Variants in NSUN7 observed in about 807,000 individuals in gnomAD.
NSUN7 encodes the protein NOP2/Sun RNA methyltransferase family member 7, also known as protein NSUN7.
NSUN7 carries 39 observed loss-of-function variants against 58.5 expected under a neutral mutation model. That is an observed-to-expected ratio of 0.67 (90% CI 0.52 to 0.87). NSUN7 has a LOEUF of 0.87. Ranked by LOEUF, NSUN7 falls within the 40% of genes least tolerant of loss-of-function variation. The pLI, the probability that NSUN7 is intolerant of heterozygous loss-of-function variation, is 0.00. For missense variants in NSUN7, 765 were observed against 844.1 expected (o/e 0.91, Z 1.16); for synonymous variants, 278 against 303.7 (o/e 0.92, Z 0.88).
At chr4:40,800,233 A>G (rs1463608811) in intron 10 of NSUN7, among the ~76,000 whole-genome samples, 1 of 152,084 alleles carries the variant, frequency 6.6e-6, no homozygotes, top group Non-Finnish European at 1.5e-5. Context: ...TCTATTACTG[A>G]GGTTGAGTAT....
chr4:40,787,992 G>T (rs982149813), intron 7 of NSUN7, among the ~76,000 whole-genome samples: 1 of 152,052 alleles, frequency 6.6e-6, no homozygotes, highest in Non-Finnish European at 1.5e-5. Context: ...AGGCCATGAC[G>T]CCTGGCTAAT....
intron 1 of NSUN7, 112 bp from the exon 2 acceptor site, chr4:40,750,491 C>A: frequency 4.0e-6 from 2 of 504,548 alleles, no homozygotes; most frequent in East Asian, 3.6e-5. Context: ...CTGGGACACT[C>A]AGATGGGACG....
rs779278507 is a variant in NSUN7, at chr4:40,774,865, G to C, written c.740G>C (p.Cys247Ser). ...AAAGTCTTTGCTGTGGATCAACATT[G>C]CTATGATGTCTTAATTTTTCCATCT... is the stretch of plus-strand genomic sequence containing the variant. ...DDKVFAVDQHCYDVLIFPSHL... is the reference protein window; with the variant it reads ...DDKVFAVDQHSYDVLIFPSHL... The change falls in exon 6 of 12, where the codon TGC (cysteine) becomes TCC (serine). Residue 247 changes from cysteine to serine, a missense_variant. By Grantham distance (112) the Cys-to-Ser change is moderately radical. Transcript: ENST00000381782. 1.4e-6 allele frequency: 2 copies of C among 1,446,830 alleles called. No individual in the cohort carries two copies. Among genetic ancestry groups the C allele is most frequent in the Non-Finnish European group, 1.9e-6 (2 of 1,028,948 alleles). The allele number at this position is 1,446,830 out of a possible 1,614,324, so 89.6% of individuals were successfully genotyped here.
chr4:40,802,545 G>A (rs1206324547), intron 10 of NSUN7, among the ~76,000 whole-genome samples: 1 of 152,110 alleles, frequency 6.6e-6, no homozygotes, highest in Non-Finnish European at 1.5e-5. Context: ...GTAGCAAGTA[G>A]GAGTAAGCCC....
At chr4:40,796,500 G>A (rs1214942088) in intron 9 of NSUN7, among the ~76,000 whole-genome samples, 1 of 151,858 alleles carries the variant, frequency 6.6e-6, no homozygotes, top group Non-Finnish European at 1.5e-5. Context: ...AGTTATCTAG[G>A]CATGGGGGCA....
At chr4:40,753,630 A>C (rs1396101750) in intron 2 of NSUN7, among the ~76,000 whole-genome samples, 2 of 152,172 alleles carry the variant, frequency 1.3e-5, no homozygotes, top group Admixed American at 6.5e-5. Context: ...CGTTTTTATA[A>C]GTTCAAATTA....
At position 40,795,734 on chromosome 4, in the gene NSUN7, G is replaced by C. The variant is rs190747293; in HGVS notation, c.1282+1258G>C. Among the ~76,000 whole-genome samples, 10 of 152,222 alleles carry C rather than the reference G, an allele frequency of 6.6e-5. No homozygotes were observed. In the East Asian group the frequency reaches 1.9e-3, roughly 29 times the overall value. ...TTTGACTCCAGATTTTGATAGAACC[G>C]ATTAAAAGCCCGATTTGAAGTCAAC... On this transcript the variant is annotated intron_variant, in intron 9 of 11. Transcript: ENST00000381782.
At chr4:40,794,560 C>A in intron 9 of NSUN7, 84 bp downstream of exon 9, 1 of 787,526 alleles carries the variant, frequency 1.3e-6, no homozygotes. Flanking sequence ...TATAATCAAG[C>A]AATGAAGTGT....
chr4:40,800,702 T>C (rs1743543668), intron 10 of NSUN7, among the ~76,000 whole-genome samples: 2 of 152,244 alleles, frequency 1.3e-5, no homozygotes, highest in African/African-American at 4.8e-5. Flanking sequence ...TCTAACATTT[T>C]CATCGTAAGT....
chr4:40,762,479 A>G (rs1741506075), intron 4 of NSUN7: 1 of 152,258 alleles, frequency 6.6e-6, no homozygotes. Flanking sequence ...AGATTCAGGT[A>G]ATAGTAATGA....
At chr4:40,795,748 T>A (rs914059997) in intron 9 of NSUN7, among the ~76,000 whole-genome samples, 2 of 152,208 alleles carry the variant, frequency 1.3e-5, no homozygotes, top group South Asian at 2.1e-4. Flanking sequence ...AAAAGCCCGA[T>A]TTGAAGTCAA....
intron 2 of NSUN7, among the ~76,000 whole-genome samples, chr4:40,755,053 T>C (rs1487674329): frequency 9.9e-5 from 15 of 152,160 alleles, no homozygotes; most frequent in Admixed American, 7.9e-4. Flanking sequence ...CCTATTCCTA[T>C]TGAGAGTTTT....
chr4:40,792,676 C>G (rs1451493123), intron 8 of NSUN7, among the ~76,000 whole-genome samples: 3 of 151,886 alleles, frequency 2.0e-5, no homozygotes, highest in African/African-American at 7.3e-5. Context: ...GCTTGAACCC[C>G]GGGGGGCGGA....
chr4:40,771,977 G>A (rs528722563), intron 4 of NSUN7, among the ~76,000 whole-genome samples: 42 of 151,912 alleles, frequency 2.8e-4, no homozygotes, highest in African/African-American at 5.5e-4. Context: ...CCACAAGATA[G>A]CATACTTCAT....
chr4:40,788,787 G>A (rs1011112987), intron 7 of NSUN7, among the ~76,000 whole-genome samples: 1 of 152,118 alleles, frequency 6.6e-6, no homozygotes, highest in African/African-American at 2.4e-5. Flanking sequence ...GTGTAGGTTT[G>A]GGGGCAGGGA....
intron 7 of NSUN7, chr4:40,785,962 C>G: frequency 1.8e-6 from 2 of 1,107,714 alleles, no homozygotes; most frequent in Non-Finnish European, 2.5e-6. Context: ...GAATAGGTAT[C>G]AGGGCGCCTC....
chr4:40,778,444 G>A (rs10938391), intron 7 of NSUN7, among the ~76,000 whole-genome samples: 44,005 of 152,090 alleles, frequency 0.29, 6,746 homozygotes, highest in Non-Finnish European at 0.34. Context: ...AGGAGGTGGG[G>A]CCTTTGGGAA....
chr4:40,764,944 A>C (rs1402547911), intron 4 of NSUN7, among the ~76,000 whole-genome samples: 20 of 150,342 alleles, frequency 1.3e-4, no homozygotes, highest in South Asian at 4.2e-4. Context: ...TTTTTCTTGT[A>C]AATTTGTTTG....
chr4:40,750,965 A>G lies in NSUN7; in HGVS notation c.272A>G (p.Tyr91Cys), dbSNP rs766932797. ...GATCAGTCCTTTCAGCGTTTGTCTTATGAGCTGGCTTTCAGTGCCCTGAAA... is the reference window on the plus strand; with the variant it reads ...GATCAGTCCTTTCAGCGTTTGTCTTGTGAGCTGGCTTTCAGTGCCCTGAAA... Reference protein sequence around the residue: ...SEDQSFQRLSYELAFSALKYQ... With the variant: ...SEDQSFQRLSCELAFSALKYQ... Residue 91 changes from tyrosine (Y) to cysteine (C), a missense_variant, in exon 2 of 12, where the codon TAT becomes TGT. By Grantham distance (194) the Tyr-to-Cys change is radical. Coordinates refer to ENST00000381782, the MANE Select transcript of NSUN7 (RefSeq NM_024677.6). The G allele has an allele frequency of 2.5e-6, 4 of 1,613,932 alleles. No homozygotes were observed. The Admixed American group carries it at 6.7e-5, about 27-fold the overall frequency.
Sources: gnomAD v4.1 joint callset for allele counts (sites outside exome capture counted in the v4.1 genomes callset) on GRCh38, gnomAD v4.1.1 for gene constraint, MANE v1.5 for transcripts, NCBI Gene and HGNC (gene_info 2026-07-23, HGNC 2026-07-21) for gene names.